Variants in MACROD2 observed in about 807,000 individuals in gnomAD.
MACROD2 encodes ADP-ribose glycohydrolase MACROD2.
MACROD2 carries 36 observed loss-of-function variants against 70.4 expected under a neutral mutation model. The observed-to-expected ratio is 0.51, with a 90% confidence interval of 0.39 to 0.68. MACROD2 has a LOEUF of 0.68. Ranked by LOEUF, MACROD2 falls within the 30% of genes least tolerant of loss-of-function variation. MACROD2 has a pLI of 0.00. For synonymous variants in MACROD2, 172 were observed against 178.8 expected (o/e 0.96, Z 0.30); for missense variants, 496 against 538.4 (o/e 0.92, Z 0.78).
At chr20:14,141,920 A>G (rs546944879) in intron 3 of MACROD2, among the ~76,000 whole-genome samples, 46 of 152,238 alleles carry the variant, frequency 3.0e-4, no homozygotes, top group African/African-American at 9.6e-4. Context: ...AATACATACG[A>G]TGTTTTCTGT....
chr20:15,577,366 A>G (rs73100288), intron 8 of MACROD2, among the ~76,000 whole-genome samples: 1,752 of 152,224 alleles, frequency 0.012, 19 homozygotes, highest in Non-Finnish European at 0.019. Context: ...AATCCAAGAC[A>G]TCGTATGATT....
chr20:14,787,362 A>G (rs1279684136), intron 5 of MACROD2, among the ~76,000 whole-genome samples: 2 of 152,174 alleles, frequency 1.3e-5, no homozygotes, highest in Non-Finnish European at 2.9e-5. Context: ...AGAAAAGAAC[A>G]TCTGTCATTG....
chr20:14,278,126 T>C (rs902592262), intron 3 of MACROD2, among the ~76,000 whole-genome samples: 1 of 152,238 alleles, frequency 6.6e-6, no homozygotes, highest in Non-Finnish European at 1.5e-5. Flanking sequence ...ATGCTGAGAA[T>C]AGTTGATGAA....
At chr20:14,271,356 C>G (rs2082193970) in intron 3 of MACROD2, among the ~76,000 whole-genome samples, 1 of 152,226 alleles carries the variant, frequency 6.6e-6, no homozygotes, top group Non-Finnish European at 1.5e-5. Context: ...TGTTCTGCAG[C>G]CACCGCTGCT....
chr20:14,038,120 C>T (rs6079265), intron 2 of MACROD2, among the ~76,000 whole-genome samples: 57,698 of 151,790 alleles, frequency 0.38, 11,394 homozygotes, highest in East Asian at 0.48. Flanking sequence ...ATGGTGAAAC[C>T]CCGTCTCTAC....
At chr20:15,938,193 G>C (rs1414034847) in intron 12 of MACROD2, among the ~76,000 whole-genome samples, 2 of 152,120 alleles carry the variant, frequency 1.3e-5, no homozygotes, top group Non-Finnish European at 2.9e-5. Context: ...ACAAAATAGT[G>C]CTTTTTCTTC....
chr20:15,830,013 A>C (rs561711844), intron 8 of MACROD2, among the ~76,000 whole-genome samples: 1 of 152,304 alleles, frequency 6.6e-6, no homozygotes, highest in South Asian at 2.1e-4. Flanking sequence ...GTCTGCAGGC[A>C]GGTGTGTATG....
intron 2 of MACROD2, among the ~76,000 whole-genome samples, chr20:14,026,931 C>G (rs1051217411): frequency 1.3e-5 from 2 of 152,084 alleles, no homozygotes; most frequent in African/African-American, 4.8e-5. Context: ...GATCTCCCAG[C>G]ACAGCGCTCA....
chr20:15,253,735 G>A (rs192710761), intron 6 of MACROD2, among the ~76,000 whole-genome samples: 1 of 152,242 alleles, frequency 6.6e-6, no homozygotes, highest in East Asian at 1.9e-4. Context: ...TATGCTGAAG[G>A]TCACAATCTT....
intron 8 of MACROD2, among the ~76,000 whole-genome samples, chr20:15,530,879 A>G (rs6043349): frequency 0.16 from 24,506 of 152,024 alleles, 2,354 homozygotes; most frequent in East Asian, 0.29. Flanking sequence ...ATTGAAGAAA[A>G]TATTTATTTG....
chr20:15,473,427 C>T (rs2046984483), intron 7 of MACROD2, among the ~76,000 whole-genome samples: 1 of 152,124 alleles, frequency 6.6e-6, no homozygotes, highest in African/African-American at 2.4e-5. Flanking sequence ...TAAAATCTGT[C>T]CACCAGATAT....
At chr20:15,485,653 T>C (rs532392250) in intron 7 of MACROD2, among the ~76,000 whole-genome samples, 3 of 152,210 alleles carry the variant, frequency 2.0e-5, no homozygotes, top group Non-Finnish European at 2.9e-5. Context: ...TTTCCTCCTT[T>C]AAAATTCTGT....
chr20:14,123,210 A>T (rs1185188635), intron 3 of MACROD2, among the ~76,000 whole-genome samples: 1 of 152,154 alleles, frequency 6.6e-6, no homozygotes, highest in African/African-American at 2.4e-5. Flanking sequence ...CAAAACTTTA[A>T]ATTATTTATA....
At chr20:15,884,121 C>G (rs1401851384) in intron 9 of MACROD2, among the ~76,000 whole-genome samples, 11 of 151,892 alleles carry the variant, frequency 7.2e-5, no homozygotes, top group Non-Finnish European at 1.6e-4. Context: ...GATCACATGC[C>G]CAGGGGATGG....
chr20:14,835,991 C>T (rs944255611), intron 5 of MACROD2, among the ~76,000 whole-genome samples: 1 of 152,126 alleles, frequency 6.6e-6, no homozygotes, highest in Admixed American at 6.5e-5. Context: ...TTACCACGTC[C>T]TTTTTGATTC....
rs779754511 is a variant in MACROD2 at position 16,044,645 on chromosome 20, A to G, written c.1300+6A>G. On this transcript the variant is annotated splice_donor_region_variant and intron_variant, in intron 17 of 17. Coordinates refer to ENST00000684519, the MANE Select transcript of MACROD2 (RefSeq NM_001351661.2). ...ACAAGAAGATCAACTAATAGGTAAG[A>G]TGCCCCTTGTGGTGAGATTTTCAAT... The G allele has an allele frequency of 1.9e-6, 3 of 1,609,654 alleles. No individual in the cohort carries two copies.
At chr20:15,833,874 A>T (rs2064084511) in intron 8 of MACROD2, among the ~76,000 whole-genome samples, 2 of 152,132 alleles carry the variant, frequency 1.3e-5, no homozygotes, top group Non-Finnish European at 2.9e-5. Context: ...TCCTTGAGTC[A>T]CTCACTCTTA....
rs139579260 is a variant in MACROD2 at position 15,703,559 on chromosome 20, A to G, written c.646-159186A>G. Among the ~76,000 whole-genome samples, 1,172 of 152,354 alleles carry G rather than the reference A, an allele frequency of 7.7e-3. 10 individuals carry two copies. The highest frequency in any genetic ancestry group is 0.027 in the African/African-American group (1,124 of 41,566). On this transcript the variant is annotated intron_variant, in intron 8 of 17. Coordinates refer to ENST00000684519, the MANE Select transcript of MACROD2 (RefSeq NM_001351661.2). ...TATTTGCTACTAATATGAGTTACTG[A>G]TGACTAATAACAGATTATCTCAAAA...
At chr20:14,051,148 G>A (rs1007629848) in intron 2 of MACROD2, among the ~76,000 whole-genome samples, 23 of 152,260 alleles carry the variant, frequency 1.5e-4, no homozygotes, top group African/African-American at 5.5e-4. Flanking sequence ...ACAAGAAAGA[G>A]TGAAAGGATA....
Sources: allele counts gnomAD v4.1 joint callset (sites outside exome capture counted in the v4.1 genomes callset), GRCh38; gene constraint gnomAD v4.1.1; transcripts MANE v1.5; gene names NCBI Gene and HGNC (gene_info 2026-07-23, HGNC 2026-07-21).